Variants in SETSIP observed in about 807,000 individuals in gnomAD.
SETSIP encodes the protein protein SETSIP.
In SETSIP, 15 loss-of-function variants were observed where a neutral mutation model predicts 21.9. The observed-to-expected ratio is 0.69, with a 90% confidence interval of 0.46 to 1.06. The LOEUF (loss-of-function observed/expected upper bound fraction) is 1.06. Among genes scored for constraint, SETSIP ranks in the 50% least tolerant of loss-of-function variants. The pLI is 0.00. For missense variants in SETSIP, 310 were observed against 337.4 expected, an observed-to-expected ratio of 0.92 and a Z score of 0.64; for synonymous variants, 101 against 121.2, an observed-to-expected ratio of 0.83 and a Z score of 1.09.
chr1:92,074,935 A>G lies in SETSIP; in HGVS notation c.477T>C (p.Asn159=), dbSNP rs1357429755. 3.1e-6 allele frequency: 5 copies of G among 1,611,654 alleles called. No individual in the cohort carries two copies. In the African/African-American group the frequency reaches 6.7e-5, roughly 22 times the overall value. Reference sequence around the variant, plus strand: ...ACTTTGAAGATGGATCACCACTCTCATTCAGATGAAATTCTTTGGAGAAAA... The same window carrying G: ...ACTTTGAAGATGGATCACCACTCTCGTTCAGATGAAATTCTTTGGAGAAAA... Residue 159 remains asparagine (N), a synonymous_variant, in exon 1 of 1, where the codon AAT becomes AAC. Transcript: ENST00000596516.
exon 1 of SETSIP, chr1:92,075,183 G>A (rs61737429): frequency 8.3e-5 from 134 of 1,611,688 alleles, no homozygotes; most frequent in Middle Eastern, 6.8e-4. Flanking sequence ...AATGGTTGGC[G>A]GAGTTTGTTA....
At chr1:92,074,836 C>T in exon 1 of SETSIP, 5 of 1,611,588 alleles carry the variant, frequency 3.1e-6, no homozygotes, top group South Asian at 2.2e-5. Flanking sequence ...GCTGCCTCTT[C>T]CTGCTGGCTT....
exon 1 of SETSIP, chr1:92,075,123 T>G: frequency 6.2e-7 from 1 of 1,611,924 alleles, no homozygotes; most frequent in South Asian, 1.1e-5. Context: ...ACAAATGTTG[T>G]TACCCCAAAA....
exon 1 of SETSIP, chr1:92,074,939 A>C: frequency 1.2e-6 from 2 of 1,611,734 alleles, no homozygotes; most frequent in Non-Finnish European, 1.7e-6. Context: ...ACTCTCATTC[A>C]GATGAAATTC....
chr1:92,075,148 G>A lies in SETSIP; in HGVS notation c.264C>T (p.Ile88=), dbSNP rs547784683. ...TTACCCCAAAATTTGGGATTTTGGC[G>A]ATCAATTCTGACCTCTTCTGAAAAA... Residue 88 remains isoleucine (I), a synonymous_variant, in exon 1 of 1, where the codon ATC becomes ATT. Coordinates refer to ENST00000596516, the Ensembl canonical transcript of SETSIP. The A allele has an allele frequency of 1.6e-4, 253 of 1,611,752 alleles. 4 individuals are homozygous for A. The South Asian group carries it at 2.3e-3, about 15-fold the overall frequency.
At chr1:92,074,642 C>T in exon 1 of SETSIP, 2 of 1,576,280 alleles carry the variant, frequency 1.3e-6, no homozygotes, top group East Asian at 2.2e-5. Flanking sequence ...TTCTTCCTCC[C>T]CTTCATCACC....
chr1:92,074,896 T>C, exon 1 of SETSIP: 1 of 1,611,814 alleles, frequency 6.2e-7, no homozygotes, highest in Non-Finnish European at 8.5e-7. Flanking sequence ...CAGATTTCCA[T>C]TTGATTTTGG....
chr1:92,074,692 A>G, exon 1 of SETSIP: 2 of 1,594,842 alleles, frequency 1.3e-6, no homozygotes, highest in Non-Finnish European at 1.7e-6. Context: ...CTCCTTCTTC[A>G]TCATCCATAT....
chr1:92,074,586 C>T, exon 1 of SETSIP: 1 of 1,567,766 alleles, frequency 6.4e-7, no homozygotes, highest in Non-Finnish European at 8.6e-7. Flanking sequence ...TCATCATCTT[C>T]ATCTTCTTCA....
At chr1:92,074,897 T>C (rs1647806548) in exon 1 of SETSIP, 6 of 1,611,794 alleles carry the variant, frequency 3.7e-6, no homozygotes, top group Non-Finnish European at 5.1e-6. Flanking sequence ...AGATTTCCAT[T>C]TGATTTTGGT....
At position 92,074,931 on chromosome 1, in the gene SETSIP, TC is replaced by T. The variant is rs1647806878; in HGVS notation, c.480del (p.Ser161ValfsTer19). The T allele has an allele frequency of 1.9e-6, 3 of 1,611,766 alleles. No homozygotes were observed. The East Asian group carries it at 6.7e-5, about 36-fold the overall frequency. On this transcript the variant is annotated frameshift_variant, in exon 1 of 1. Coordinates refer to ENST00000596516, the Ensembl canonical transcript of SETSIP. LOFTEE classifies it high-confidence loss of function. ...GTGGACTTTGAAGATGGATCACCACTCTCATTCAGATGAAATTCTTTGGAGA... is the reference window on the plus strand; with the variant it reads ...GTGGACTTTGAAGATGGATCACCACTTCATTCAGATGAAATTCTTTGGAGA...
chr1:92,074,828 T>G (rs1557890730), exon 1 of SETSIP: 2 of 1,611,504 alleles, frequency 1.2e-6, no homozygotes, highest in Non-Finnish European at 1.7e-6. Context: ...TTCCTCATGC[T>G]GCCTCTTCCT....
At chr1:92,074,621 A>G (rs1570704849) in exon 1 of SETSIP, 1 of 1,567,146 alleles carries the variant, frequency 6.4e-7, no homozygotes, top group Non-Finnish European at 8.6e-7. Context: ...CCCTTCATCA[A>G]TATCTTCTAA....
At chr1:92,074,768 T>A in exon 1 of SETSIP, 1 of 1,610,910 alleles carries the variant, frequency 6.2e-7, no homozygotes, top group Non-Finnish European at 8.5e-7. Flanking sequence ...TTCTAACTCA[T>A]CAGCACCTGC....
chr1:92,075,114 C>A, exon 1 of SETSIP: 1 of 1,611,882 alleles, frequency 6.2e-7, no homozygotes, highest in Non-Finnish European at 8.5e-7. Flanking sequence ...GGATGGTTGA[C>A]AAATGTTGTT....
exon 1 of SETSIP, chr1:92,075,206 A>G (rs1371125437): frequency 3.1e-6 from 5 of 1,611,822 alleles, no homozygotes; most frequent in East Asian, 4.5e-5. Flanking sequence ...TTTCTGTTCT[A>G]CTTTCAAAAT....
chr1:92,074,541 C>A, exon 1 of SETSIP: 1 of 1,575,426 alleles, frequency 6.3e-7, no homozygotes, highest in East Asian at 2.2e-5. Context: ...TATTAGTCAT[C>A]TTCTCCTTCA....
At chr1:92,075,202 T>C (rs1178316097) in exon 1 of SETSIP, 17 of 1,611,778 alleles carry the variant, frequency 1.1e-5, no homozygotes, top group Non-Finnish European at 1.3e-5. Flanking sequence ...TATATTTCTG[T>C]TCTACTTTCA....
exon 1 of SETSIP, chr1:92,074,572 T>C: frequency 1.3e-6 from 2 of 1,573,134 alleles, no homozygotes; most frequent in Admixed American, 3.8e-5. Context: ...CTTCCTCCCC[T>C]TCATCATCAT....
Sources: gnomAD v4.1 joint callset for allele counts on GRCh38, gnomAD v4.1.1 for gene constraint, MANE v1.5 for transcripts, NCBI Gene and HGNC (gene_info 2026-07-23, HGNC 2026-07-21) for gene names.